LDLRAP1: variants seen among roughly 807,000 people sequenced by gnomAD.
LDLRAP1 encodes the protein low density lipoprotein receptor adapter protein 1.
Under a neutral mutation model 37.8 loss-of-function variants are expected in LDLRAP1, and 30 were observed. That is an observed-to-expected ratio of 0.79 (90% confidence interval 0.59 to 1.08). The LOEUF is 1.08. LDLRAP1 is among the 50% of genes least tolerant of loss of function. LDLRAP1 has a pLI of 0.00. For missense variants in LDLRAP1, 375 were observed against 401.6 expected, an observed-to-expected ratio of 0.93 and a Z score of 0.57; for synonymous variants, 156 against 169.8, an observed-to-expected ratio of 0.92 and a Z score of 0.63.
rs186063261 is a variant in LDLRAP1 at position 25,555,176 on chromosome 1, G to A, written c.344+204G>A. ...GTGCACGGCACCTGGCTCATGATGA[G>A]CATTTGGTTAAGTGGCAGCTGCTGC... On this transcript the variant is annotated intron_variant, in intron 3 of 8. Transcript: ENST00000374338. This position sits in a 1 kb window ranked among gnomAD's most constrained non-coding sequence, Gnocchi z 4.7. Among the ~76,000 whole-genome samples the A allele has an allele frequency of 3.3e-5, 5 of 152,364 alleles. No homozygotes were observed. Among genetic ancestry groups the A allele is most frequent in the East Asian group, 3.9e-4 (2 of 5,182 alleles).
chr1:25,582,383 G>A, the LDLRAP1 span, among the ~76,000 whole-genome samples: 106,197 of 152,082 alleles, frequency 0.7, 40,368 homozygotes, highest in East Asian at 0.99. Context: ...TATGGAGATC[G>A]AGACCATCCT....
downstream of LDLRAP1, among the ~76,000 whole-genome samples, chr1:25,571,123 A>G (rs559417035): frequency 9.7e-4 from 147 of 152,234 alleles, 2 homozygotes; most frequent in Admixed American, 9.6e-3. Context: ...GATCAAGGCA[A>G]ACCCCAACCG....
Position 25,543,695 on chromosome 1 carries a change from G to A in LDLRAP1, c.-4G>A. 7.4e-6 allele frequency: 9 copies of A among 1,214,840 alleles called. No homozygotes were observed. The highest frequency in any genetic ancestry group is 9.2e-6 in the Non-Finnish European group (9 of 977,152). 75.3% of individuals were successfully genotyped at this position (1,214,840 alleles called of 1,614,324 possible). A position where few individuals can be genotyped will look rare whatever the true frequency, so the allele number is the denominator to read the frequency against. ...GGCAGCGGCGGCGGCGGCCGGAGCG[G>A]GCCATGGACGCGCTCAAGTCGGCGG... On this transcript the variant is annotated 5_prime_UTR_variant, in exon 1 of 9. Transcript: ENST00000374338.
chr1:25,543,688 C>A lies in LDLRAP1; in HGVS notation c.-11C>A. The A allele has an allele frequency of 8.2e-7, 1 of 1,214,606 alleles. No homozygotes were observed. Among genetic ancestry groups the A allele is most frequent in the Middle Eastern group, 2.9e-4 (1 of 3,432 alleles). 75.2% of individuals were successfully genotyped at this position (1,214,606 alleles called of 1,614,324 possible). ...TGGCTGCGGCAGCGGCGGCGGCGGC[C>A]GGAGCGGGCCATGGACGCGCTCAAG... On this transcript the variant is annotated 5_prime_UTR_variant, in exon 1 of 9. Coordinates refer to ENST00000374338, the MANE Select transcript of LDLRAP1 (RefSeq NM_015627.3).
At chr1:25,579,064 T>C in the LDLRAP1 span, among the ~76,000 whole-genome samples, 1 of 152,210 alleles carries the variant, frequency 6.6e-6, no homozygotes. Flanking sequence ...CACCTCTCCA[T>C]GTGTTGTTTA....
At chr1:25,557,352 C>A in intron 4 of LDLRAP1, 85 bp downstream of exon 4, 1 of 1,068,116 alleles carries the variant, frequency 9.4e-7, no homozygotes, top group Non-Finnish European at 1.4e-6. Flanking sequence ...GTGTGGGAGG[C>A]AGGACCCAAA....
chr1:25,588,704 G>A, the LDLRAP1 span, among the ~76,000 whole-genome samples: 2 of 152,100 alleles, frequency 1.3e-5, no homozygotes, highest in Non-Finnish European at 2.9e-5. Flanking sequence ...CCGGTCCCCT[G>A]GGCCCCCTTT....
chr1:25,553,657 G>C (rs533125729), intron 1 of LDLRAP1: 1 of 465,436 alleles, frequency 2.1e-6, no homozygotes, highest in Admixed American at 3.4e-5. Flanking sequence ...TTCGAGACCA[G>C]CTACTCGGGA....
chr1:25,580,883 T>C, the LDLRAP1 span, among the ~76,000 whole-genome samples: 1 of 152,142 alleles, frequency 6.6e-6, no homozygotes, highest in Non-Finnish European at 1.5e-5. Context: ...CTGAGTTTCT[T>C]CATCAGTAGT....
intron 4 of LDLRAP1, among the ~76,000 whole-genome samples, chr1:25,559,009 G>C (rs547445538): frequency 2.0e-5 from 3 of 152,280 alleles, no homozygotes; most frequent in South Asian, 4.1e-4. Context: ...TTGCCTCAGT[G>C]ACCTCCAGGG....
At position 25,555,469 on chromosome 1, in the gene LDLRAP1, T is replaced by A. The variant is rs1427659469; in HGVS notation, c.344+497T>A. ...GAGCCTCAGACTATCCCCACCTCTCTCGGCTGGTCAGTTGTAGTTTTTCAG... is the reference window on the plus strand; with the variant it reads ...GAGCCTCAGACTATCCCCACCTCTCACGGCTGGTCAGTTGTAGTTTTTCAG... On this transcript the variant is annotated intron_variant, in intron 3 of 8. Coordinates refer to ENST00000374338, the MANE Select transcript of LDLRAP1 (RefSeq NM_015627.3). The surrounding 1 kb of genome is among the most constrained non-coding windows in gnomAD (Gnocchi z 4.7). 3.3e-5 allele frequency among the ~76,000 whole-genome samples: 5 copies of A among 152,122 alleles called. No individual in the cohort carries two copies. Among genetic ancestry groups the A allele is most frequent in the South Asian group, 2.1e-4 (1 of 4,820 alleles).
chr1:25,563,172 G>A lies in LDLRAP1; in HGVS notation c.616+19G>A. ...AAGAGCTGTGAGTCCTGACGGGGAA[G>A]GGGGATTGGCCATGCGGTGTTGGGG... is the stretch of plus-strand genomic sequence containing the variant. On this transcript the variant is annotated intron_variant, in intron 6 of 8. Coordinates refer to ENST00000374338, the MANE Select transcript of LDLRAP1 (RefSeq NM_015627.3). 4.3e-6 allele frequency: 7 copies of A among 1,611,008 alleles called. No homozygotes were observed. Among genetic ancestry groups the A allele is most frequent in the Non-Finnish European group, 5.9e-6 (7 of 1,177,290 alleles).
intron 1 of LDLRAP1, among the ~76,000 whole-genome samples, chr1:25,546,673 G>A (rs1377493725): frequency 6.6e-6 from 1 of 152,206 alleles, no homozygotes. Context: ...CAGAGAGAAG[G>A]GGTGAAGAAA....
At chr1:25,578,906 G>A in the LDLRAP1 span, among the ~76,000 whole-genome samples, 2 of 152,188 alleles carry the variant, frequency 1.3e-5, no homozygotes, top group African/African-American at 2.4e-5. Context: ...AGAGCTGTAC[G>A]TTGTCACAGA....
the LDLRAP1 span, among the ~76,000 whole-genome samples, chr1:25,578,203 C>CCT: frequency 2.6e-5 from 4 of 152,172 alleles, no homozygotes; most frequent in African/African-American, 9.7e-5. Context: ...AAGCGGGTGA[C>CCT]CGTTGACTAA....
chr1:25,588,234 G>A, the LDLRAP1 span, among the ~76,000 whole-genome samples: 1 of 152,170 alleles, frequency 6.6e-6, no homozygotes, highest in African/African-American at 2.4e-5. Context: ...TCGTGGGAAG[G>A]GAAAGACCTG....
intron 4 of LDLRAP1, 135 bp downstream of exon 4, chr1:25,557,402 C>CCCACTTGGGGTT: frequency 1.4e-6 from 1 of 714,528 alleles, no homozygotes; most frequent in Non-Finnish European, 2.4e-6. Context: ...TCTCTGGGAA[C>CCCACTTGGGGTT]CCCAAGTGGG....
intron 4 of LDLRAP1, among the ~76,000 whole-genome samples, chr1:25,560,878 G>A (rs1001979912): frequency 2.0e-5 from 3 of 152,234 alleles, no homozygotes; most frequent in South Asian, 2.1e-4. Context: ...GCTGGTCCTC[G>A]GATCCCTGCA....
chr1:25,576,603 C>T, the LDLRAP1 span, among the ~76,000 whole-genome samples: 6 of 152,206 alleles, frequency 3.9e-5, no homozygotes, highest in Non-Finnish European at 5.9e-5. Flanking sequence ...AGCAGAGCGC[C>T]TGGCTTTGGG....
Sources: allele counts gnomAD v4.1 joint callset (sites outside exome capture counted in the v4.1 genomes callset), GRCh38; gene constraint gnomAD v4.1.1; non-coding constraint Gnocchi (gnomAD v3.1); transcripts MANE v1.5; gene names NCBI Gene and HGNC (gene_info 2026-07-23, HGNC 2026-07-21).